MFSD8: variants seen among roughly 807,000 people sequenced by gnomAD.
The protein encoded by MFSD8 is major facilitator superfamily domain-containing protein 8.
A neutral mutation model predicts 66.4 loss-of-function variants in MFSD8; 55 were observed. The observed-to-expected ratio is 0.83, with a 90% CI of 0.67 to 1.04. The LOEUF is 1.04. Ranked by LOEUF, MFSD8 falls within the 50% of genes least tolerant of loss-of-function variation. MFSD8 has a pLI of 0.00. For synonymous variants in MFSD8, 202 were observed against 212.8 expected, an observed-to-expected ratio of 0.95 and a Z score of 0.44; for missense variants, 550 against 627.6, an observed-to-expected ratio of 0.88 and a Z score of 1.32.
intron 7 of MFSD8, among the ~76,000 whole-genome samples, chr4:127,937,395 C>G (rs1235982176): frequency 1.3e-5 from 2 of 152,246 alleles, no homozygotes; most frequent in Non-Finnish European, 2.9e-5. Context: ...TTGGCTTTCT[C>G]TAATCCTTAA....
chr4:127,943,765 C>T lies in MFSD8; in HGVS notation c.426G>A (p.Leu142=). 1.2e-6 allele frequency: 2 copies of T among 1,614,030 alleles called. No individual in the cohort carries two copies. The highest frequency in any genetic ancestry group is 1.7e-6 in the Non-Finnish European group (2 of 1,180,012). The part of the protein sequence containing the change: ...KYYMLVARGL[L]GIGAGNVAVV... ...ATACAACCTTACCTGCTCCAATTCC[C>T]AACAATCCACGAGCAACCAGCATGT... Residue 142 remains leucine (L), a synonymous_variant, in exon 4 of 12, where the codon TTG becomes TTA. Coordinates refer to ENST00000641686, the MANE Select transcript of MFSD8 (RefSeq NM_001371596.2).
Position 127,934,595 on chromosome 4 carries a change from G to A in MFSD8, c.755-1502C>T, listed in dbSNP as rs1330445985. ...GGTATTTTTTTTTTTTTTTTTTGGC[G>A]GGGGGGACGGAGTCTTGCTCTGTTG... On this transcript the variant is annotated intron_variant, in intron 7 of 11. Transcript: ENST00000641686. 4.5e-5 allele frequency: 6 copies of A among 132,044 alleles called. No individual in the cohort carries two copies. The South Asian group carries it at 8.9e-4, about 20-fold the overall frequency. 8.2% of individuals were successfully genotyped at this position (132,044 alleles called of 1,614,324 possible). A position where few individuals can be genotyped will look rare whatever the true frequency, so the allele number is the denominator to read the frequency against.
intron 9 of MFSD8, among the ~76,000 whole-genome samples, chr4:127,927,540 G>T (rs984692908): frequency 6.6e-6 from 1 of 152,164 alleles, no homozygotes; most frequent in South Asian, 2.1e-4. Flanking sequence ...TAGCCCCATT[G>T]CAAGTTAAAG....
In MFSD8 at chr4:127,953,543, G is replaced by GTTTTTTT. The variant is rs952826538; in HGVS notation, c.155-3703_155-3697dup. On this transcript the variant is annotated intron_variant, in intron 2 of 11. Coordinates refer to ENST00000641686, the MANE Select transcript of MFSD8 (RefSeq NM_001371596.2). Reference sequence around the variant, plus strand: ...TTCTGATATTTGCACAAGGCATTCTGTTTTTTTTTTTTTTTTTTTTTTTTT... The same window carrying GTTTTTTT: ...TTCTGATATTTGCACAAGGCATTCTGTTTTTTTTTTTTTTTTTTTTTTTTTTTTTTTT... Among the ~76,000 whole-genome samples, 39 of 67,046 alleles carry GTTTTTTT rather than the reference G, an allele frequency of 5.8e-4. 1 individual carries two copies. The highest frequency in any genetic ancestry group is 9.9e-4 in the East Asian group (2 of 2,012). 44.0% of individuals were successfully genotyped at this position (67,046 alleles called of 152,430 possible).
intron 7 of MFSD8, chr4:127,933,333 C>T: frequency 2.8e-6 from 1 of 355,484 alleles, no homozygotes; most frequent in Non-Finnish European, 5.3e-6. Flanking sequence ...CAGCCTTGAC[C>T]TCCCCAGGCT....
intron 9 of MFSD8, among the ~76,000 whole-genome samples, chr4:127,923,195 T>C (rs1441903705): frequency 6.6e-6 from 1 of 152,194 alleles, no homozygotes; most frequent in African/African-American, 2.4e-5. Context: ...AGGGTATCCT[T>C]GTCTTGTGCC....
intron 7 of MFSD8, among the ~76,000 whole-genome samples, 173 bp downstream of exon 7, chr4:127,938,610 A>G (rs150490445): frequency 7.0e-6 from 1 of 142,234 alleles, no homozygotes; most frequent in African/African-American, 2.8e-5. Context: ...TAAATAAATA[A>G]ATAAATAAAT....
intron 1 of MFSD8, among the ~76,000 whole-genome samples, chr4:127,962,188 G>C (rs917774399): frequency 4.6e-5 from 7 of 152,118 alleles, no homozygotes; most frequent in African/African-American, 1.7e-4. Flanking sequence ...AGAGCCTATT[G>C]AGACATTTGG....
In MFSD8 at chr4:127,957,583, G is replaced by A. The variant is rs775812921; in HGVS notation, c.72C>T (p.Asp24=). The change falls in exon 2 of 12, where the codon GAC becomes GAT. Residue 24 remains aspartate (D), a synonymous_variant. Transcript: ENST00000641686. ...TATAATGCTCTTCAGTCTCTAAAAT[G>A]TCCCATTCTCTAGGTGTAAAGAAGA... ...LGDTPGSREW[D]ILETEEHYKS... 4 of 1,608,664 alleles carry A rather than the reference G, an allele frequency of 2.5e-6. No homozygotes were observed. In the East Asian group the frequency reaches 6.7e-5, roughly 27 times the overall value.
intron 1 of MFSD8, among the ~76,000 whole-genome samples, chr4:127,964,056 T>C (rs1744429046): frequency 6.6e-6 from 1 of 152,330 alleles, no homozygotes; most frequent in Non-Finnish European, 1.5e-5. Flanking sequence ...GGGTGCTGAT[T>C]GGTGTGTTTA....
chr4:127,943,573 T>G (rs1740557187), intron 4 of MFSD8, 179 bp downstream of exon 4: 1 of 654,792 alleles, frequency 1.5e-6, no homozygotes, highest in Non-Finnish European at 2.6e-6. Flanking sequence ...AAACTATAGG[T>G]AATGAGAACA....
intron 2 of MFSD8, among the ~76,000 whole-genome samples, chr4:127,951,988 A>G (rs1742058703): frequency 6.6e-6 from 1 of 151,952 alleles, no homozygotes; most frequent in Admixed American, 6.5e-5. Flanking sequence ...TCGGCCTCCT[A>G]AAATGCTGGG....
chr4:127,929,093 G>A (rs1235135914), intron 9 of MFSD8, among the ~76,000 whole-genome samples: 2 of 151,768 alleles, frequency 1.3e-5, no homozygotes, highest in East Asian at 1.9e-4. Flanking sequence ...AGGCTGAGGC[G>A]GGCAGATCAT....
At chr4:127,927,815 T>C (rs1737470606) in intron 9 of MFSD8, among the ~76,000 whole-genome samples, 1 of 152,082 alleles carries the variant, frequency 6.6e-6, no homozygotes, top group South Asian at 2.1e-4. Flanking sequence ...ACCTCCCAAG[T>C]AGCTGGGACT....
intron 1 of MFSD8, among the ~76,000 whole-genome samples, chr4:127,962,291 A>G (rs1278978921): frequency 6.6e-6 from 1 of 152,022 alleles, no homozygotes; most frequent in Non-Finnish European, 1.5e-5. Flanking sequence ...ACCTGGTGAA[A>G]CCCTGTCTTT....
Position 127,918,993 on chromosome 4 carries a change from T to G in MFSD8, c.*1637A>C, listed in dbSNP as rs940045085. 3.9e-5 allele frequency: 6 copies of G among 152,172 alleles called. No individual in the cohort carries two copies. The highest frequency in any genetic ancestry group is 1.4e-4 in the African/African-American group (6 of 41,450). 9.4% of individuals were successfully genotyped at this position (152,172 alleles called of 1,614,324 possible). ...GCTGCAGAATAGCAGGTAAGAGGGA[T>G]CCCAGACTTGACCAAATAGCCAGAA... is the stretch of plus-strand genomic sequence containing the variant. On this transcript the variant is annotated 3_prime_UTR_variant, in exon 12 of 12. Coordinates refer to ENST00000641686, the MANE Select transcript of MFSD8 (RefSeq NM_001371596.2).
At chr4:127,956,404 G>A (rs1206998360) in intron 2 of MFSD8, among the ~76,000 whole-genome samples, 1 of 150,996 alleles carries the variant, frequency 6.6e-6, no homozygotes, top group East Asian at 2.0e-4. Flanking sequence ...GGAGGCTGAG[G>A]CAGGAGAATC....
chr4:127,932,897 A>G (rs1229540818), intron 8 of MFSD8, 88 bp downstream of exon 8: 1 of 1,214,646 alleles, frequency 8.2e-7, no homozygotes, highest in Non-Finnish European at 1.2e-6. Flanking sequence ...TAAGATTTTC[A>G]ATAACATCTA....
In MFSD8 at chr4:127,939,893, G is replaced by C. The variant is rs142063476; in HGVS notation, c.658C>G (p.Leu220Val). The C allele has an allele frequency of 6.2e-7, 1 of 1,613,370 alleles. No homozygotes were observed. The highest frequency in any genetic ancestry group is 1.7e-4 in the Middle Eastern group (1 of 6,052). The stretch of plus-strand genomic sequence containing the variant: ...ATCAGAATAATATTTAAAATTCCCA[G>C]GAAGGCGCTAAGTAAAACTGGTGTT... ...YTTPVLLSAF[L>V]GILNIILILA... The change falls in exon 6 of 12, where the codon CTG (leucine) becomes GTG (valine). Residue 220 changes from leucine to valine, a missense_variant. Transcript: ENST00000641686.
Sources: allele counts gnomAD v4.1 joint callset (sites outside exome capture counted in the v4.1 genomes callset), GRCh38; gene constraint gnomAD v4.1.1; transcripts MANE v1.5; gene names NCBI Gene and HGNC (gene_info 2026-07-23, HGNC 2026-07-21).